Variants in EML6 observed in about 807,000 individuals in gnomAD.
EML6 encodes the protein echinoderm microtubule-associated protein-like 6.
A neutral mutation model predicts 240.1 loss-of-function variants in EML6; 154 were observed. That is an observed-to-expected ratio of 0.64 (90% CI 0.56 to 0.73). The LOEUF is 0.73. Among genes scored for constraint, EML6 ranks in the 30% least tolerant of loss-of-function variants. The probability of loss-of-function intolerance (pLI) is 0.00; values close to 1 mark genes in which losing one functional copy is unlikely to be tolerated. For synonymous variants in EML6, 1,148 were observed against 899.0 expected (o/e 1.28, Z -4.95); for missense variants, 2,964 against 2,474.6 (o/e 1.20, Z -4.20).
chr2:54,930,625 G>A (rs1674804873), intron 28 of EML6, among the ~76,000 whole-genome samples: 1 of 152,038 alleles, frequency 6.6e-6, no homozygotes, highest in South Asian at 2.1e-4. Context: ...ATTTAGTGAA[G>A]AAAACAATTT....
intron 29 of EML6, among the ~76,000 whole-genome samples, chr2:54,949,722 T>G (rs746679732): frequency 6.6e-6 from 1 of 152,120 alleles, no homozygotes; most frequent in Non-Finnish European, 1.5e-5. Context: ...AAGTTCATGG[T>G]TTCAAAACCT....
intron 25 of EML6, among the ~76,000 whole-genome samples, chr2:54,916,465 A>G (rs1673914054): frequency 1.3e-5 from 2 of 151,852 alleles, no homozygotes; most frequent in African/African-American, 4.8e-5. Context: ...GGCTTATACA[A>G]TGATAAATGT....
At chr2:54,948,683 C>G (rs1204914961) in intron 28 of EML6, among the ~76,000 whole-genome samples, 199 bp from the exon 29 acceptor site, 1 of 152,152 alleles carries the variant, frequency 6.6e-6, no homozygotes, top group Admixed American at 6.5e-5. Context: ...AGGCCCAACC[C>G]AGTGCCTGTG....
At chr2:54,949,319 G>A (rs750560924) in intron 29 of EML6, among the ~76,000 whole-genome samples, 60 of 152,160 alleles carry the variant, frequency 3.9e-4, no homozygotes, top group South Asian at 6.2e-4. Flanking sequence ...CATATTCACC[G>A]TCTCTAATGT....
chr2:54,783,263 A>G (rs1196193378), intron 2 of EML6, among the ~76,000 whole-genome samples: 1 of 152,202 alleles, frequency 6.6e-6, no homozygotes, highest in Admixed American at 6.5e-5. Flanking sequence ...ATGTATATGC[A>G]TATTTCTTTT....
chr2:54,910,591 C>A (rs941353472), intron 24 of EML6, among the ~76,000 whole-genome samples: 4 of 152,182 alleles, frequency 2.6e-5, no homozygotes, highest in African/African-American at 4.8e-5. Flanking sequence ...ATAATTCTTG[C>A]CAACACAGTT....
chr2:54,888,170 G>C (rs1369855249), intron 17 of EML6, among the ~76,000 whole-genome samples: 1 of 152,210 alleles, frequency 6.6e-6, no homozygotes, highest in Non-Finnish European at 1.5e-5. Flanking sequence ...GGCTGGGGCA[G>C]GATTCATAGC....
intron 5 of EML6, among the ~76,000 whole-genome samples, chr2:54,824,000 G>A (rs1302855949): frequency 6.6e-6 from 1 of 151,704 alleles, no homozygotes; most frequent in African/African-American, 2.4e-5. Flanking sequence ...CATTTCCTAG[G>A]GTCACAAAAA....
chr2:54,904,204 T>G (rs1419072170), intron 24 of EML6, among the ~76,000 whole-genome samples: 4 of 152,046 alleles, frequency 2.6e-5, no homozygotes, highest in Non-Finnish European at 4.4e-5. Context: ...ACCGTGTGAG[T>G]AAGCAGTGGT....
Position 54,869,195 on chromosome 2 carries a change from A to G in EML6, c.2066A>G (p.Asp689Gly). ...CTGTGCTTCAGTTATAGAGGCTACG[A>G]CTGTAGAAACAATCTGTTCTACACA... The part of the protein sequence containing the change: ...LQFIHGYRGY[D>G]CRNNLFYTQA... Residue 689 changes from aspartate to glycine, a missense_variant, in exon 15 of 42, where the codon GAC (aspartate) becomes GGC (glycine). Transcript: ENST00000356458. 1 of 1,550,836 alleles carries G rather than the reference A, an allele frequency of 6.4e-7. No homozygotes were observed. The highest frequency in any genetic ancestry group is 8.7e-7 in the Non-Finnish European group (1 of 1,146,264).
chr2:54,898,959 T>G (rs1300680843), intron 21 of EML6, among the ~76,000 whole-genome samples: 1 of 152,234 alleles, frequency 6.6e-6, no homozygotes, highest in Non-Finnish European at 1.5e-5. Flanking sequence ...GTGTTTGTGA[T>G]AAGATACAGA....
At position 54,933,343 on chromosome 2, in the gene EML6, C is replaced by T. The variant is rs536075208; in HGVS notation, c.4004+4592C>T. On this transcript the variant is annotated intron_variant, in intron 28 of 41. Transcript: ENST00000356458. ...CTTCACCTCTCTGTAATCACTTCCC[C>T]CAGAGGTGATTTGGACAGACCCAAA... Among the ~76,000 whole-genome samples the T allele has an allele frequency of 7.5e-4, 114 of 152,232 alleles. No homozygotes were observed. In the Middle Eastern group the frequency reaches 0.017, roughly 23 times the overall value.
intron 17 of EML6, among the ~76,000 whole-genome samples, chr2:54,885,027 T>G (rs1344742561): frequency 6.6e-6 from 1 of 152,008 alleles, no homozygotes; most frequent in Non-Finnish European, 1.5e-5. Flanking sequence ...CCGGGCATGA[T>G]GGTGCTGTAG....
At chr2:54,855,013 T>C (rs376613064) in intron 11 of EML6, among the ~76,000 whole-genome samples, 4 of 152,228 alleles carry the variant, frequency 2.6e-5, no homozygotes, top group African/African-American at 9.6e-5. Context: ...AACTCGATGA[T>C]AATTGATATC....
At chr2:54,877,009 G>T (rs184779270) in intron 16 of EML6, among the ~76,000 whole-genome samples, 6 of 150,892 alleles carry the variant, frequency 4.0e-5, no homozygotes, top group Non-Finnish European at 8.8e-5. Context: ...TTGAGACAAG[G>T]TCTCACTGTG....
intron 5 of EML6, among the ~76,000 whole-genome samples, chr2:54,825,862 A>G (rs1366246050): frequency 3.3e-5 from 5 of 152,106 alleles, no homozygotes; most frequent in African/African-American, 1.2e-4. Context: ...CCTCTCCTAC[A>G]GGTGTAAAAT....
chr2:54,895,150 C>T lies in EML6; in HGVS notation c.2855-123C>T, dbSNP rs1403881204. On this transcript the variant is annotated intron_variant, in intron 20 of 41. Coordinates refer to ENST00000356458, the MANE Select transcript of EML6 (RefSeq NM_001039753.4). ...CCTCTTCCATGTTTAGAACTCTCTT[C>T]CTCTGGTAGAAATGTCAAGGCTGAC... is the stretch of plus-strand genomic sequence containing the variant. The T allele has an allele frequency of 1.1e-5, 15 of 1,328,460 alleles. No homozygotes were observed. The Admixed American group carries it at 3.0e-4, about 26-fold the overall frequency. The allele number at this position is 1,328,460 out of a possible 1,614,324, so 82.3% of individuals were successfully genotyped here.
At chr2:54,748,689 A>G (rs1684025008) in intron 2 of EML6, among the ~76,000 whole-genome samples, 1 of 152,122 alleles carries the variant, frequency 6.6e-6, no homozygotes, top group Non-Finnish European at 1.5e-5. Context: ...CCTCCTGAGT[A>G]GCTGGGACTA....
At position 54,885,078 on chromosome 2, in the gene EML6, G is replaced by C. The variant is rs370215341; in HGVS notation, c.2438+5438G>C. Among the ~76,000 whole-genome samples, 28 of 152,198 alleles carry C rather than the reference G, an allele frequency of 1.8e-4. No homozygotes were observed. The East Asian group carries it at 5.0e-3, about 27-fold the overall frequency. On this transcript the variant is annotated intron_variant, in intron 17 of 41. Transcript: ENST00000356458. The stretch of plus-strand genomic sequence containing the variant: ...AGGCTGAGGCATGAGACTCATCTGA[G>C]CCCGGGAGGCAGAGGTTGCAGTGAG...
Sources: gnomAD v4.1 joint callset for allele counts (sites outside exome capture counted in the v4.1 genomes callset) on GRCh38, gnomAD v4.1.1 for gene constraint, MANE v1.5 for transcripts, NCBI Gene and HGNC (gene_info 2026-07-23, HGNC 2026-07-21) for gene names.